Variants in KLHDC8B observed in about 807,000 individuals in gnomAD.
KLHDC8B encodes kelch domain-containing protein 8B.
In KLHDC8B, 19 loss-of-function variants were observed where a neutral mutation model predicts 26.3. That is an observed-to-expected ratio of 0.72 (90% confidence interval 0.50 to 1.06). The LOEUF is 1.06. KLHDC8B is among the 50% of genes least tolerant of loss of function. KLHDC8B has a pLI of 0.00. For missense variants in KLHDC8B, 411 were observed against 488.1 expected, an observed-to-expected ratio of 0.84 and a Z score of 1.49; for synonymous variants, 150 against 188.4, an observed-to-expected ratio of 0.80 and a Z score of 1.67.
chr3:49,173,049 G>A lies in KLHDC8B; in HGVS notation c.280G>A (p.Val94Ile). 6.2e-7 allele frequency: 1 copy of A among 1,609,410 alleles called. No homozygotes were observed. The highest frequency in any genetic ancestry group is 8.5e-7 in the Non-Finnish European group (1 of 1,178,086). ...VGGVDEVQSP[V>I]AAVEAFLMDE... ...TGGTGTGGATGAGGTCCAGAGCCCGGTAGCTGCTGTAGAGGCCTTCCTGAT... is the reference window on the plus strand; with the variant it reads ...TGGTGTGGATGAGGTCCAGAGCCCGATAGCTGCTGTAGAGGCCTTCCTGAT... Residue 94 changes from valine (V) to isoleucine (I), a missense_variant, in exon 2 of 6, where the codon GTA becomes ATA. Transcript: ENST00000332780.
Position 49,175,913 on chromosome 3 carries a change from T to A in KLHDC8B, c.*112T>A. 1 of 1,071,264 alleles carries A rather than the reference T, an allele frequency of 9.3e-7. No homozygotes were observed. The highest frequency in any genetic ancestry group is 1.4e-5 in the South Asian group (1 of 71,958). 66.4% of individuals were successfully genotyped at this position (1,071,264 alleles called of 1,614,324 possible). ...GTGGCTCTGTGGGATGAGAGAGGCA[T>A]GGGGGTGAGCACTTGAAACACTGCC... On this transcript the variant is annotated 3_prime_UTR_variant, in exon 6 of 6. Coordinates refer to ENST00000332780, the MANE Select transcript of KLHDC8B (RefSeq NM_173546.3).
Position 49,174,725 on chromosome 3 carries a change from C to A in KLHDC8B, c.542-17C>A. ...GCCTCCTGGGCTCCTTCCCAGGTACCCCAATTCCATTGACAGGGGGCCGCC... is the reference window on the plus strand; with the variant it reads ...GCCTCCTGGGCTCCTTCCCAGGTACACCAATTCCATTGACAGGGGGCCGCC... On this transcript the variant is annotated splice_polypyrimidine_tract_variant and intron_variant, in intron 3 of 5. Coordinates refer to ENST00000332780, the MANE Select transcript of KLHDC8B (RefSeq NM_173546.3). 1 of 1,592,578 alleles carries A rather than the reference C, an allele frequency of 6.3e-7. No individual in the cohort carries two copies. Among genetic ancestry groups the A allele is most frequent in the Non-Finnish European group, 8.6e-7 (1 of 1,167,840 alleles).
intron 1 of KLHDC8B, among the ~76,000 whole-genome samples, chr3:49,172,253 G>A (rs929036487): frequency 2.6e-5 from 4 of 152,120 alleles, no homozygotes. Flanking sequence ...AAGCCAGTAA[G>A]GACTCCCCTC....
At chr3:49,171,867 T>A (rs1215857298) in intron 1 of KLHDC8B, among the ~76,000 whole-genome samples, 182 bp downstream of exon 1, 1 of 151,956 alleles carries the variant, frequency 6.6e-6, no homozygotes, top group Non-Finnish European at 1.5e-5. Flanking sequence ...AACTTGGGGA[T>A]CTCCTGCGAG....
In KLHDC8B at chr3:49,176,117, G is replaced by A; in HGVS notation, c.*316G>A. 1 of 338,028 alleles carries A rather than the reference G, an allele frequency of 3.0e-6. No homozygotes were observed. Among genetic ancestry groups the A allele is most frequent in the South Asian group, 4.2e-5 (1 of 24,050 alleles). 20.9% of individuals were successfully genotyped at this position (338,028 alleles called of 1,614,324 possible). ...GCAAAGCTGGCCTCATGCTCTTCAG[G>A]GTCAGTTCCTATCTGGAGTTGACCA... On this transcript the variant is annotated 3_prime_UTR_variant, in exon 6 of 6. Transcript: ENST00000332780.
At chr3:49,175,533 G>C in intron 5 of KLHDC8B, 72 bp from the exon 6 acceptor site, 2 of 1,173,778 alleles carry the variant, frequency 1.7e-6, no homozygotes, top group South Asian at 2.9e-5. Context: ...CTATTCTCTG[G>C]GCTTAGGGAG....
At position 49,172,815 on chromosome 3, in the gene KLHDC8B, C is replaced by T; in HGVS notation, c.46C>T (p.Pro16Ser). 1 of 1,614,052 alleles carries T rather than the reference C, an allele frequency of 6.2e-7. No homozygotes were observed. Among genetic ancestry groups the T allele is most frequent in the East Asian group, 2.2e-5 (1 of 44,880 alleles). ...GGCCTTTGCTTGGCAAGTGTTCCCC[C>T]CCATGCCCACTTGCCGGGTCTATGG... ...GRAFAWQVFPPMPTCRVYGTV... is the reference protein window; with the variant it reads ...GRAFAWQVFPSMPTCRVYGTV... The change falls in exon 2 of 6, where the codon CCC becomes TCC. Residue 16 changes from proline (P) to serine (S), a missense_variant. Transcript: ENST00000332780.
Position 49,172,651 on chromosome 3 carries a change from C to G in KLHDC8B, c.-119C>G. On this transcript the variant is annotated 5_prime_UTR_variant, in exon 2 of 6. Transcript: ENST00000332780. ...TTTCCTCCAGGTGAAGGCAAGGTCC[C>G]TGGACTGGTCATATACCTCTTGTGG... 1 of 1,032,948 alleles carries G rather than the reference C, an allele frequency of 9.7e-7. No homozygotes were observed. The highest frequency in any genetic ancestry group is 1.5e-5 in the South Asian group (1 of 64,894). 64.0% of individuals were successfully genotyped at this position (1,032,948 alleles called of 1,614,324 possible).
rs1271158034 is a variant in KLHDC8B, at chr3:49,172,871, G to T, written c.102G>T (p.Leu34=). ...GTVAHQDGHL[L]VLGGCGRAGL... is the part of the protein sequence containing the mutation. ...TGGCACACCAAGATGGGCACCTGCT[G>T]GTGTTGGGGGGTTGTGGCCGGGCTG... Residue 34 remains leucine, a synonymous_variant, in exon 2 of 6, where the codon CTG becomes CTT. Coordinates refer to ENST00000332780, the MANE Select transcript of KLHDC8B (RefSeq NM_173546.3). 6.2e-7 allele frequency: 1 copy of T among 1,614,140 alleles called. No homozygotes were observed. The highest frequency in any genetic ancestry group is 2.2e-5 in the East Asian group (1 of 44,882).
In KLHDC8B at chr3:49,174,357, C is replaced by CTA; in HGVS notation, c.497_498dup (p.Gly167MetfsTer24). The CTA allele has an allele frequency of 6.2e-7, 1 of 1,614,004 alleles. No individual in the cohort carries two copies. The highest frequency in any genetic ancestry group is 8.5e-7 in the Non-Finnish European group (1 of 1,179,946). On this transcript the variant is annotated frameshift_variant, in exon 3 of 6. Coordinates refer to ENST00000332780, the MANE Select transcript of KLHDC8B (RefSeq NM_173546.3). LOFTEE classifies it high-confidence loss of function. ...CGCTACCCTCCATGCCCACACCCTG[C>CTA]TATGGGGCCTCCACCTTCCTGCACG...
In KLHDC8B at chr3:49,176,433, G is replaced by C. The variant is rs2045829985; in HGVS notation, c.*632G>C. The C allele has an allele frequency of 6.6e-6, 1 of 152,500 alleles. No homozygotes were observed. Among genetic ancestry groups the C allele is most frequent in the African/African-American group, 2.4e-5 (1 of 41,436 alleles). The allele number at this position is 152,500 out of a possible 1,614,324, so 9.4% of individuals were successfully genotyped here. On this transcript the variant is annotated 3_prime_UTR_variant, in exon 6 of 6. Transcript: ENST00000332780. Reference sequence around the variant, plus strand: ...CCTACCCTACCTACCTCACAGGGCTGTTGTGAGGACCCAGGGAGTTTGGAT... The same window carrying C: ...CCTACCCTACCTACCTCACAGGGCTCTTGTGAGGACCCAGGGAGTTTGGAT...
At chr3:49,174,023 G>A (rs1201792151) in intron 2 of KLHDC8B, among the ~76,000 whole-genome samples, 1 of 152,106 alleles carries the variant, frequency 6.6e-6, no homozygotes, top group African/African-American at 2.4e-5. Flanking sequence ...AATTAGATCG[G>A]CTGCCTCCTG....
rs2045826716 is a variant in KLHDC8B, at chr3:49,176,138, G to A, written c.*337G>A. The A allele has an allele frequency of 1.1e-5, 3 of 271,090 alleles. No individual in the cohort carries two copies. The highest frequency in any genetic ancestry group is 4.5e-5 in the African/African-American group (2 of 44,702). The allele number at this position is 271,090 out of a possible 1,614,324, so 16.8% of individuals were successfully genotyped here. A position where few individuals can be genotyped will look rare whatever the true frequency, so the allele number is the denominator to read the frequency against. On this transcript the variant is annotated 3_prime_UTR_variant, in exon 6 of 6. Transcript: ENST00000332780. ...TCAGGGTCAGTTCCTATCTGGAGTT[G>A]ACCAGGCCTACCCCAGTTGCCATTC...
chr3:49,174,324 C>T lies in KLHDC8B; in HGVS notation c.462C>T (p.Cys154=). The T allele has an allele frequency of 6.2e-7, 1 of 1,613,902 alleles. No homozygotes were observed. The highest frequency in any genetic ancestry group is 1.3e-5 in the African/African-American group (1 of 75,004). The change falls in exon 3 of 6, where the codon TGC becomes TGT. Residue 154 remains cysteine (C), a synonymous_variant. Transcript: ENST00000332780. The part of the protein sequence containing the change: ...QVRVYEPRRD[C]WLSLPSMPTP... ...GTGTGTATGAGCCCCGTCGGGACTG[C>T]TGGCTTTCGCTACCCTCCATGCCCA...
Position 49,172,832 on chromosome 3 carries a change from G to A in KLHDC8B, c.63G>A (p.Arg21=). ...WQVFPPMPTC[R]VYGTVAHQDG... is the part of the protein sequence containing the mutation. ...TGTTCCCCCCCATGCCCACTTGCCG[G>A]GTCTATGGCACAGTGGCACACCAAG... Residue 21 remains arginine (R), a synonymous_variant, in exon 2 of 6, where the codon CGG becomes CGA. Coordinates refer to ENST00000332780, the MANE Select transcript of KLHDC8B (RefSeq NM_173546.3). The A allele has an allele frequency of 6.2e-7, 1 of 1,614,086 alleles. No individual in the cohort carries two copies. The highest frequency in any genetic ancestry group is 8.5e-7 in the Non-Finnish European group (1 of 1,180,004).
chr3:49,176,136 T>C lies in KLHDC8B; in HGVS notation c.*335T>C, dbSNP rs2045826690. On this transcript the variant is annotated 3_prime_UTR_variant, in exon 6 of 6. Transcript: ENST00000332780. ...CTTCAGGGTCAGTTCCTATCTGGAG[T>C]TGACCAGGCCTACCCCAGTTGCCAT... 1 of 277,766 alleles carries C rather than the reference T, an allele frequency of 3.6e-6. No individual in the cohort carries two copies. The highest frequency in any genetic ancestry group is 6.8e-6 in the Non-Finnish European group (1 of 148,056). 17.2% of individuals were successfully genotyped at this position (277,766 alleles called of 1,614,324 possible). A position where few individuals can be genotyped will look rare whatever the true frequency, so the allele number is the denominator to read the frequency against.
intron 2 of KLHDC8B, 61 bp downstream of exon 2, chr3:49,173,206 T>A: frequency 6.8e-7 from 1 of 1,465,548 alleles, no homozygotes; most frequent in Non-Finnish European, 9.1e-7. Context: ...ATTTCCTGAC[T>A]TAGTCCCTTA....
rs1470036399 is a variant in KLHDC8B at position 49,175,828 on chromosome 3, G to C, written c.*27G>C. ...GGCTTGGTGGGAGCTGTCCACTGGA[G>C]CAGCTCATTGCCAGAGGCAGCTATT... On this transcript the variant is annotated 3_prime_UTR_variant, in exon 6 of 6. Coordinates refer to ENST00000332780, the MANE Select transcript of KLHDC8B (RefSeq NM_173546.3). 1 of 1,604,510 alleles carries C rather than the reference G, an allele frequency of 6.2e-7. No homozygotes were observed. Among genetic ancestry groups the C allele is most frequent in the South Asian group, 1.1e-5 (1 of 90,878 alleles).
At position 49,173,069 on chromosome 3, in the gene KLHDC8B, C is replaced by T. The variant is rs2045783866; in HGVS notation, c.300C>T (p.Phe100=). 2 of 1,604,186 alleles carry T rather than the reference C, an allele frequency of 1.2e-6. No homozygotes were observed. Among genetic ancestry groups the T allele is most frequent in the Non-Finnish European group, 1.7e-6 (2 of 1,175,606 alleles). ...VQSPVAAVEA[F]LMDEGRWERR... ...GCCCGGTAGCTGCTGTAGAGGCCTTCCTGATGGATGAGGGCCGCTGGGAGC... is the reference window on the plus strand; with the variant it reads ...GCCCGGTAGCTGCTGTAGAGGCCTTTCTGATGGATGAGGGCCGCTGGGAGC... Residue 100 remains phenylalanine (F), a synonymous_variant, in exon 2 of 6, where the codon TTC becomes TTT. Coordinates refer to ENST00000332780, the MANE Select transcript of KLHDC8B (RefSeq NM_173546.3).
Sources: gnomAD v4.1 joint callset for allele counts (sites outside exome capture counted in the v4.1 genomes callset) on GRCh38, gnomAD v4.1.1 for gene constraint, MANE v1.5 for transcripts, NCBI Gene and HGNC (gene_info 2026-07-23, HGNC 2026-07-21) for gene names.